The following DLG2 variants were observed in gnomAD, a reference collection of about 807,000 sequenced individuals.
DLG2 encodes disks large homolog 2.
Under a neutral mutation model 132.5 loss-of-function variants are expected in DLG2, and 45 were observed. The ratio of observed to expected loss-of-function variants is 0.34; its 90% CI spans 0.27 to 0.44. DLG2 has a LOEUF of 0.44. Among genes scored for constraint, DLG2 ranks in the 20% least tolerant of loss-of-function variants. The pLI, the probability that DLG2 is intolerant of heterozygous loss-of-function variation, is 1.00. For missense variants in DLG2, 1,045 were observed against 1,196.9 expected (o/e 0.87, Z 1.87); for synonymous variants, 424 against 419.6 (o/e 1.01, Z -0.13).
At chr11:85,085,337 T>G (rs1593900457) in intron 6 of DLG2, among the ~76,000 whole-genome samples, 1 of 152,146 alleles carries the variant, frequency 6.6e-6, no homozygotes, top group African/African-American at 2.4e-5. Flanking sequence ...TCCTAGATAC[T>G]ATCTCAAGGA....
At chr11:84,381,626 T>C (rs762220862) in intron 7 of DLG2, among the ~76,000 whole-genome samples, 32 of 152,214 alleles carry the variant, frequency 2.1e-4, no homozygotes, top group Non-Finnish European at 7.3e-5. Flanking sequence ...TGATAAAATA[T>C]GTAAAACATC....
At chr11:84,055,389 A>G (rs548360737) in intron 11 of DLG2, among the ~76,000 whole-genome samples, 39 of 152,212 alleles carry the variant, frequency 2.6e-4, no homozygotes, top group African/African-American at 9.1e-4. Context: ...AAAATTACAT[A>G]TTTTATCATG....
chr11:84,267,193 C>G (rs964392548), intron 7 of DLG2, among the ~76,000 whole-genome samples: 2 of 151,308 alleles, frequency 1.3e-5, no homozygotes, highest in African/African-American at 4.9e-5. Context: ...AACAATGATC[C>G]ATTTCATGTT....
At chr11:83,949,349 T>G (rs960099138) in intron 14 of DLG2, among the ~76,000 whole-genome samples, 2 of 152,122 alleles carry the variant, frequency 1.3e-5, no homozygotes, top group South Asian at 2.1e-4. Context: ...TCTAATGATC[T>G]TTTCCCTTCC....
At chr11:85,386,822 AAG>A (rs1565414083) in intron 3 of DLG2, among the ~76,000 whole-genome samples, 2 of 151,680 alleles carry the variant, frequency 1.3e-5, no homozygotes, top group African/African-American at 4.8e-5. Flanking sequence ...ACAGGAAAGA[AAG>A]AGAGAAAGAG....
intron 6 of DLG2, among the ~76,000 whole-genome samples, chr11:84,867,997 C>G (rs990976434): frequency 1.8e-4 from 27 of 151,810 alleles, no homozygotes; most frequent in African/African-American, 6.5e-4. Context: ...TGGCGTGAAC[C>G]CGGGCGGCGG....
chr11:83,851,882 G>A (rs1294093910), intron 16 of DLG2, among the ~76,000 whole-genome samples: 1 of 150,460 alleles, frequency 6.6e-6, no homozygotes, highest in East Asian at 1.9e-4. Flanking sequence ...TCGTGCCACT[G>A]AACTCCAGCC....
chr11:85,320,228 G>C (rs1475185787), intron 3 of DLG2, among the ~76,000 whole-genome samples: 1 of 151,810 alleles, frequency 6.6e-6, no homozygotes, highest in Admixed American at 6.6e-5. Flanking sequence ...CATTATTTAG[G>C]GATAGAAAGG....
intron 16 of DLG2, among the ~76,000 whole-genome samples, chr11:83,868,206 C>T (rs575826416): frequency 2.4e-4 from 36 of 152,288 alleles, no homozygotes; most frequent in Non-Finnish European, 4.6e-4. Context: ...GGCCTGCAAA[C>T]TTTTTGAGTC....
chr11:85,012,031 T>C (rs1423038449), intron 6 of DLG2, among the ~76,000 whole-genome samples: 1 of 152,096 alleles, frequency 6.6e-6, no homozygotes, highest in Non-Finnish European at 1.5e-5. Context: ...ATCATTAAAA[T>C]ACAATGTGGG....
intron 3 of DLG2, among the ~76,000 whole-genome samples, chr11:85,577,806 C>G (rs2078248052): frequency 6.6e-6 from 1 of 152,046 alleles, no homozygotes; most frequent in Non-Finnish European, 1.5e-5. Context: ...ATAAAAATGG[C>G]CATACTACCC....
chr11:84,316,936 GTTGAAGCTGGACCCCCCGGTCCTGT>G (rs751712234), intron 7 of DLG2: 8 of 1,612,710 alleles, frequency 5.0e-6, no homozygotes, highest in East Asian at 2.2e-5. Context: ...ACAAGGTCCT[GTTGAAGCTGGACCCCCCGGTCCTGT>G]TTGAAGCTGG....
chr11:84,009,625 GGGTGACCAAGT>G lies in DLG2; in HGVS notation c.920-28994_920-28984del, dbSNP rs564039867. ...GTGAAGGAGGGAAGGGCCCTTGGGT[GGGTGACCAAGT>G]TAATACTTCTGTCTAGTTTGATGCT... On this transcript the variant is annotated intron_variant, in intron 11 of 27. Coordinates refer to ENST00000376104, the MANE Select transcript of DLG2 (RefSeq NM_001142699.3). Among the ~76,000 whole-genome samples, 8 of 152,196 alleles carry G rather than the reference GGGTGACCAAGT, an allele frequency of 5.3e-5. No homozygotes were observed. In the East Asian group the frequency reaches 1.5e-3, roughly 29 times the overall value.
At chr11:85,243,030 G>C (rs2152680879) in intron 4 of DLG2, among the ~76,000 whole-genome samples, 1 of 152,056 alleles carries the variant, frequency 6.6e-6, no homozygotes, top group South Asian at 2.1e-4. Context: ...GGCAAAAGCA[G>C]AGGAGAATCA....
At chr11:83,650,639 C>A (rs747685648) in intron 18 of DLG2, among the ~76,000 whole-genome samples, 26 of 152,118 alleles carry the variant, frequency 1.7e-4, no homozygotes, top group Non-Finnish European at 3.4e-4. Flanking sequence ...AAAAAAATTT[C>A]TTTTTCTTTA....
chr11:83,616,217 A>AT (rs1026500095), intron 19 of DLG2, among the ~76,000 whole-genome samples: 1 of 152,168 alleles, frequency 6.6e-6, no homozygotes, highest in African/African-American at 2.4e-5. Flanking sequence ...CCCTGTATAT[A>AT]TTTTTGTTGA....
intron 3 of DLG2, among the ~76,000 whole-genome samples, chr11:85,502,716 T>A (rs552838169): frequency 6.6e-6 from 1 of 152,096 alleles, no homozygotes; most frequent in South Asian, 2.1e-4. Flanking sequence ...GCTTAAAACC[T>A]AGATGATGGG....
chr11:85,427,442 A>G (rs1402858720), intron 3 of DLG2, among the ~76,000 whole-genome samples: 5 of 152,264 alleles, frequency 3.3e-5, no homozygotes, highest in Non-Finnish European at 5.9e-5. Flanking sequence ...CAGAAACTCT[A>G]CAAGCCAGAA....
chr11:85,445,017 T>C (rs1449951400), intron 3 of DLG2, among the ~76,000 whole-genome samples: 1 of 151,908 alleles, frequency 6.6e-6, no homozygotes, highest in African/African-American at 2.4e-5. Context: ...AAACCAAAAA[T>C]AAAATAAGAG....
Sources: gnomAD v4.1 joint callset for allele counts (sites outside exome capture counted in the v4.1 genomes callset) on GRCh38, gnomAD v4.1.1 for gene constraint, MANE v1.5 for transcripts, NCBI Gene and HGNC (gene_info 2026-07-23, HGNC 2026-07-21) for gene names.